The following SMIM35 variants were observed in gnomAD, a reference collection of about 807,000 sequenced individuals.
SMIM35 encodes small integral membrane protein 35.
At chr11:118,019,993 G>T (rs1387208600) in intron 1 of SMIM35, among the ~76,000 whole-genome samples, 1 of 152,160 alleles carries the variant, frequency 6.6e-6, no homozygotes, top group South Asian at 2.1e-4. Flanking sequence ...GCTGGGCATG[G>T]TGTCTCACGC....
intron 1 of SMIM35, among the ~76,000 whole-genome samples, chr11:118,020,357 T>C (rs1424220139): frequency 6.6e-6 from 1 of 152,224 alleles, no homozygotes; most frequent in Non-Finnish European, 1.5e-5. Context: ...AGCATGTTAG[T>C]TATTCTGAGT....
intron 1 of SMIM35, among the ~76,000 whole-genome samples, chr11:118,080,422 G>A (rs762348899): frequency 4.6e-5 from 7 of 152,182 alleles, no homozygotes; most frequent in South Asian, 2.1e-4. Context: ...TGCACCTGCC[G>A]AGGTGGAAGC....
At chr11:118,062,486 A>G (rs1944406507) in intron 1 of SMIM35, among the ~76,000 whole-genome samples, 1 of 152,236 alleles carries the variant, frequency 6.6e-6, no homozygotes, top group Non-Finnish European at 1.5e-5. Flanking sequence ...CAAAGGTGAC[A>G]ACTGCCTCTG....
At chr11:118,069,236 C>A (rs1210152958) in intron 1 of SMIM35, among the ~76,000 whole-genome samples, 1 of 152,210 alleles carries the variant, frequency 6.6e-6, no homozygotes, top group East Asian at 1.9e-4. Flanking sequence ...ACTTTGTTTG[C>A]AAGGTTATTA....
intron 1 of SMIM35, among the ~76,000 whole-genome samples, chr11:118,016,146 A>G (rs1359552474): frequency 6.6e-6 from 1 of 152,144 alleles, no homozygotes; most frequent in African/African-American, 2.4e-5. Flanking sequence ...CAGCCTCAGC[A>G]TGAGCCAGGT....
At chr11:118,081,289 G>C (rs1945103803) in intron 1 of SMIM35, among the ~76,000 whole-genome samples, 1 of 152,222 alleles carries the variant, frequency 6.6e-6, no homozygotes, top group Non-Finnish European at 1.5e-5. Flanking sequence ...GCATGAGGGA[G>C]GCACAGGTCT....
At chr11:118,037,364 G>C (rs685540) in intron 1 of SMIM35, among the ~76,000 whole-genome samples, 23,347 of 152,164 alleles carry the variant, frequency 0.15, 1,842 homozygotes, top group Middle Eastern at 0.21. Flanking sequence ...TAACAAGGAG[G>C]TTAAGATACA....
intron 1 of SMIM35, among the ~76,000 whole-genome samples, chr11:118,038,950 G>A (rs1191244785): frequency 6.6e-6 from 1 of 152,156 alleles, no homozygotes; most frequent in Non-Finnish European, 1.5e-5. Flanking sequence ...GTGAGGAGAG[G>A]GGGTGGAGCA....
At chr11:118,045,347 C>CAA (rs1944081333) in intron 1 of SMIM35, among the ~76,000 whole-genome samples, 1 of 151,808 alleles carries the variant, frequency 6.6e-6, no homozygotes, top group Admixed American at 6.6e-5. Context: ...CACACACACA[C>CAA]ACACACACAC....
At chr11:118,048,523 A>G (rs1017095388) in intron 1 of SMIM35, among the ~76,000 whole-genome samples, 1 of 146,404 alleles carries the variant, frequency 6.8e-6, no homozygotes, top group Non-Finnish European at 1.5e-5. Context: ...AATAAGAAAG[A>G]AAGGAAGAAA....
At chr11:118,073,315 G>A (rs1944602377) in intron 1 of SMIM35, among the ~76,000 whole-genome samples, 1 of 152,174 alleles carries the variant, frequency 6.6e-6, no homozygotes, top group Non-Finnish European at 1.5e-5. Context: ...TGAAGAAGAT[G>A]GCGTGCAAGA....
intron 1 of SMIM35, among the ~76,000 whole-genome samples, chr11:118,027,051 C>T (rs1257319018): frequency 9.1e-6 from 1 of 110,424 alleles, no homozygotes; most frequent in Admixed American, 1.2e-4. Flanking sequence ...GACGGAGTCT[C>T]GCTCTGTCGC....
chr11:118,047,643 G>A (rs1225865500), intron 1 of SMIM35, among the ~76,000 whole-genome samples: 1 of 152,246 alleles, frequency 6.6e-6, no homozygotes, highest in African/African-American at 2.4e-5. Context: ...GGAGAAAACA[G>A]TGCTTCTGTT....
chr11:118,051,373 A>G (rs761812639), intron 1 of SMIM35, among the ~76,000 whole-genome samples: 8 of 152,236 alleles, frequency 5.3e-5, no homozygotes, highest in Non-Finnish European at 7.3e-5. Context: ...CCATGAGGAC[A>G]AGGCCATGCC....
At chr11:118,045,347 C>CACACACACACAA (rs1427347157) in intron 1 of SMIM35, among the ~76,000 whole-genome samples, 27 of 151,926 alleles carry the variant, frequency 1.8e-4, no homozygotes, top group African/African-American at 6.3e-4. Context: ...CACACACACA[C>CACACACACACAA]ACACACACAC....
intron 1 of SMIM35, among the ~76,000 whole-genome samples, chr11:118,042,393 C>A (rs1487826278): frequency 6.6e-6 from 1 of 152,016 alleles, no homozygotes; most frequent in African/African-American, 2.4e-5. Flanking sequence ...AATACACAAA[C>A]CACCAAAACT....
intron 1 of SMIM35, chr11:118,025,704 A>G (rs1331961452): frequency 6.6e-6 from 3 of 453,300 alleles, no homozygotes; most frequent in Non-Finnish European, 1.3e-5. Context: ...CCCTTGTTGG[A>G]TGCATAGTTT....
At chr11:118,046,354 G>A (rs1338738540) in intron 1 of SMIM35, among the ~76,000 whole-genome samples, 19 of 152,290 alleles carry the variant, frequency 1.2e-4, no homozygotes, top group African/African-American at 4.1e-4. Context: ...TAGATTAGAT[G>A]GATGTGTGAT....
At chr11:118,050,651 C>T (rs1425774781) in intron 1 of SMIM35, among the ~76,000 whole-genome samples, 1 of 152,244 alleles carries the variant, frequency 6.6e-6, no homozygotes, top group Non-Finnish European at 1.5e-5. Flanking sequence ...TTCTAGCCCC[C>T]ACCCTTGCTT....
Sources: gnomAD v4.1 joint callset for allele counts (sites outside exome capture counted in the v4.1 genomes callset) on GRCh38, gnomAD v4.1.1 for gene constraint, MANE v1.5 for transcripts, NCBI Gene and HGNC (gene_info 2026-07-23, HGNC 2026-07-21) for gene names.